Variants in ACTR3C observed in about 807,000 individuals in gnomAD.
ACTR3C encodes the protein actin-related protein 3C.
ACTR3C carries 18 observed loss-of-function variants against 26.3 expected under a neutral mutation model. The observed-to-expected ratio is 0.68, with a 90% confidence interval of 0.47 to 1.01. The LOEUF is 1.01. ACTR3C is among the 50% of genes least tolerant of loss of function. ACTR3C has a pLI of 0.00. For missense variants in ACTR3C, 184 were observed against 250.7 expected (o/e 0.73, Z 1.80); for synonymous variants, 55 against 94.5 (o/e 0.58, Z 2.42).
chr7:150,123,391 C>A, the ACTR3C span, among the ~76,000 whole-genome samples: 1 of 151,956 alleles, frequency 6.6e-6, no homozygotes, highest in Non-Finnish European at 1.5e-5. Context: ...GGAGAAAGAC[C>A]ACTGAAGCCC....
At chr7:150,034,825 C>A in the ACTR3C span, among the ~76,000 whole-genome samples, 1 of 148,202 alleles carries the variant, frequency 6.7e-6, no homozygotes, top group South Asian at 2.1e-4. Flanking sequence ...GGGGGTGCCT[C>A]CCCCCTCTGC....
the ACTR3C span, among the ~76,000 whole-genome samples, chr7:150,014,225 G>T: frequency 2.0e-5 from 3 of 152,200 alleles, no homozygotes; most frequent in African/African-American, 7.2e-5. Flanking sequence ...GGAGGTCGAG[G>T]TGGGCGGATC....
chr7:150,181,345 C>T, the ACTR3C span, among the ~76,000 whole-genome samples: 2 of 150,350 alleles, frequency 1.3e-5, no homozygotes, highest in East Asian at 3.9e-4. Context: ...TACTATTCGA[C>T]TGAAGATAGG....
the ACTR3C span, among the ~76,000 whole-genome samples, chr7:150,179,250 G>T: frequency 6.9e-6 from 1 of 143,986 alleles, no homozygotes; most frequent in South Asian, 2.2e-4. Flanking sequence ...AGGTAGAGAT[G>T]ATTTATTGCC....
the ACTR3C span, among the ~76,000 whole-genome samples, chr7:150,094,198 T>C: frequency 3.3e-5 from 5 of 150,410 alleles, no homozygotes; most frequent in African/African-American, 1.3e-4. Context: ...CAAAGGCAGC[T>C]GAATTTAGCA....
chr7:150,008,045 C>A, the ACTR3C span, among the ~76,000 whole-genome samples: 1 of 151,198 alleles, frequency 6.6e-6, no homozygotes, highest in Non-Finnish European at 1.5e-5. Flanking sequence ...TCTATTTGAA[C>A]GTCTTAAACG....
the ACTR3C span, among the ~76,000 whole-genome samples, chr7:150,027,146 G>T: frequency 1.2e-4 from 18 of 152,226 alleles, no homozygotes; most frequent in Admixed American, 1.0e-3. Flanking sequence ...CTGATACCTC[G>T]GTATGGGGCT....
chr7:150,168,881 C>CT, the ACTR3C span, among the ~76,000 whole-genome samples: 3 of 150,780 alleles, frequency 2.0e-5, no homozygotes. Context: ...TTTCTTCCTT[C>CT]TAGGGAAAGC....
chr7:149,991,226 A>C, the ACTR3C span, among the ~76,000 whole-genome samples: 5 of 152,212 alleles, frequency 3.3e-5, no homozygotes, highest in African/African-American at 1.2e-4. Flanking sequence ...AACACAGGAA[A>C]GACCCACCCC....
the ACTR3C span, among the ~76,000 whole-genome samples, chr7:150,164,694 C>T: frequency 2.6e-5 from 4 of 152,010 alleles, no homozygotes; most frequent in Non-Finnish European, 5.9e-5. Context: ...ATACTTCAGG[C>T]CAGGAGATGA....
chr7:150,117,126 C>T, the ACTR3C span, among the ~76,000 whole-genome samples: 1 of 152,206 alleles, frequency 6.6e-6, no homozygotes, highest in Non-Finnish European at 1.5e-5. Context: ...ATCACCAGGG[C>T]CCTGGCTTTC....
At chr7:150,149,599 G>C in the ACTR3C span, among the ~76,000 whole-genome samples, 1 of 149,042 alleles carries the variant, frequency 6.7e-6, no homozygotes, top group Non-Finnish European at 1.5e-5. Context: ...GTGGTGTTTG[G>C]TTTTGTCCTT....
chr7:149,972,211 A>G, the ACTR3C span, among the ~76,000 whole-genome samples: 1 of 152,226 alleles, frequency 6.6e-6, no homozygotes, highest in African/African-American at 2.4e-5. Flanking sequence ...AATGGCGTCC[A>G]TATTCAACCA....
chr7:150,039,615 C>T, the ACTR3C span, among the ~76,000 whole-genome samples: 2 of 142,688 alleles, frequency 1.4e-5, no homozygotes, highest in South Asian at 4.4e-4. Flanking sequence ...AAGATTTGAA[C>T]TTTCTACTTG....
At chr7:150,237,016 G>C in the ACTR3C span, among the ~76,000 whole-genome samples, 18,131 of 149,504 alleles carry the variant, frequency 0.12, 1,573 homozygotes, top group African/African-American at 0.22. Flanking sequence ...CTGTCCTAAG[G>C]TTTCTGCACT....
the ACTR3C span, among the ~76,000 whole-genome samples, chr7:150,124,223 C>T: frequency 1.3e-5 from 2 of 152,216 alleles, no homozygotes; most frequent in Admixed American, 1.3e-4. Context: ...CACTATAACA[C>T]TATTTCTCAG....
At chr7:149,907,732 A>G in the ACTR3C span, among the ~76,000 whole-genome samples, 1 of 151,550 alleles carries the variant, frequency 6.6e-6, no homozygotes, top group East Asian at 2.0e-4. Flanking sequence ...AATGCTACCA[A>G]CAGCTTTAAA....
chr7:150,141,864 G>A, the ACTR3C span, among the ~76,000 whole-genome samples: 2 of 152,086 alleles, frequency 1.3e-5, no homozygotes, highest in East Asian at 3.9e-4. Context: ...CGCAGGTGCT[G>A]AGCTGAGGCC....
chr7:150,230,708 A>G, the ACTR3C span, among the ~76,000 whole-genome samples: 2 of 152,106 alleles, frequency 1.3e-5, no homozygotes, highest in East Asian at 3.8e-4. Flanking sequence ...CTTCCACAAA[A>G]CCAGTCCCTA....
Sources: gnomAD v4.1 joint callset for allele counts (sites outside exome capture counted in the v4.1 genomes callset) on GRCh38, gnomAD v4.1.1 for gene constraint, MANE v1.5 for transcripts, NCBI Gene and HGNC (gene_info 2026-07-23, HGNC 2026-07-21) for gene names.